EDA: variants seen among roughly 807,000 people sequenced by gnomAD.
EDA encodes ectodysplasin-A.
Under a neutral mutation model 23.6 loss-of-function variants are expected in EDA, and 2 were observed. The observed-to-expected ratio is 0.08, with a 90% CI of 0.03 to 0.27. The LOEUF (loss-of-function observed/expected upper bound fraction) is 0.27, where lower values mean the gene tolerates loss of function less well. Among genes scored for constraint, EDA ranks in the 10% least tolerant of loss-of-function variants. The pLI is 1.00. For missense variants in EDA, 229 were observed against 324.2 expected (o/e 0.71, Z 2.26); for synonymous variants, 131 against 132.0 (o/e 0.99, Z 0.05).
At chrX:69,922,949 T>G (rs1476856350) in intron 1 of EDA, among the ~76,000 whole-genome samples, 2 of 110,947 alleles carry the variant, frequency 1.8e-5, no homozygotes, top group South Asian at 3.9e-4. Context: ...CCTCTCTCAT[T>G]ACCATCACCA....
chrX:69,812,376 G>A (rs1381977784), intron 1 of EDA, among the ~76,000 whole-genome samples: 2 of 112,314 alleles, frequency 1.8e-5, no homozygotes, highest in Admixed American at 1.9e-4. Flanking sequence ...ACCAAATATT[G>A]CCTCACAGAA....
At chrX:69,798,403 C>G (rs2015595877) in intron 1 of EDA, among the ~76,000 whole-genome samples, 1 of 111,323 alleles carries the variant, frequency 9.0e-6, no homozygotes, top group South Asian at 3.7e-4. Context: ...CCAGGATAGA[C>G]CATATGTTAA....
chrX:69,700,427 A>G (rs2011503009), intron 1 of EDA, among the ~76,000 whole-genome samples: 1 of 111,618 alleles, frequency 9.0e-6, no homozygotes, highest in South Asian at 3.8e-4. Context: ...ATTGGAGGGA[A>G]TTGCGGAAAG....
chrX:69,821,370 C>T (rs1419982585), intron 1 of EDA, among the ~76,000 whole-genome samples: 1 of 109,744 alleles, frequency 9.1e-6, no homozygotes, highest in Non-Finnish European at 1.9e-5. Context: ...AACAAACCTG[C>T]ACATCCTGCA....
Position 70,037,703 on chromosome X carries a change from G to C in EDA, c.*2094G>C, listed in dbSNP as rs898784472. On this transcript the variant is annotated 3_prime_UTR_variant, in exon 8 of 8. Coordinates refer to ENST00000374552, the MANE Select transcript of EDA (RefSeq NM_001399.5). ...GTGGTAATTGGGAACTGAAATCCTTGAGAGTTCCGGGGAGAAACCCAGAGA... is the reference window on the plus strand; with the variant it reads ...GTGGTAATTGGGAACTGAAATCCTTCAGAGTTCCGGGGAGAAACCCAGAGA... 4 of 111,779 alleles carry C rather than the reference G, an allele frequency of 3.6e-5. No homozygotes were observed. Among genetic ancestry groups the C allele is most frequent in the African/African-American group, 1.3e-4 (4 of 30,677 alleles). The allele number at this position is 111,779 out of a possible 1,213,427, so 9.2% of individuals were successfully genotyped here.
intron 1 of EDA, among the ~76,000 whole-genome samples, chrX:69,657,185 G>T (rs888315584): frequency 5.4e-5 from 6 of 111,772 alleles, no homozygotes; most frequent in African/African-American, 1.9e-4. Context: ...TATAATAAAA[G>T]CTATTCCGAT....
chrX:70,009,498 A>G (rs1256531537), intron 2 of EDA, among the ~76,000 whole-genome samples: 1 of 111,723 alleles, frequency 9.0e-6, no homozygotes, highest in Non-Finnish European at 1.9e-5. Flanking sequence ...TATATTTTTA[A>G]TTTTCCTTGA....
chrX:69,759,706 A>G (rs1248333836), intron 1 of EDA, among the ~76,000 whole-genome samples: 1 of 111,340 alleles, frequency 9.0e-6, no homozygotes, highest in Non-Finnish European at 1.9e-5. Flanking sequence ...GGTGGTCTTC[A>G]TAGCTGAAAT....
Position 69,957,036 on chromosome X carries a change from T to A in EDA, c.406T>A (p.Leu136Met). ...DSQDGHQMALLNFFFPDEKPY... is the reference protein window; with the variant it reads ...DSQDGHQMALMNFFFPDEKPY... The stretch of plus-strand genomic sequence containing the variant: ...CTTGTAATTTTTACAGATGGCCCTA[T>A]TGAATTTCTTCTTCCCTGATGAAAA... Residue 136 changes from leucine to methionine, a missense_variant, in exon 2 of 8, where the codon TTG (leucine) becomes ATG (methionine). This residue lies in a region of EDA where 175 missense variants were observed against 281.8 expected (regional missense o/e 0.62). Transcript: ENST00000374552. 8.3e-7 allele frequency: 1 copy of A among 1,210,312 alleles called. No individual in the cohort carries two copies. Among genetic ancestry groups the A allele is most frequent in the Non-Finnish European group, 1.1e-6 (1 of 894,352 alleles).
chrX:69,846,543 C>T (rs1247794430), intron 1 of EDA, among the ~76,000 whole-genome samples: 2 of 111,329 alleles, frequency 1.8e-5, no homozygotes, highest in African/African-American at 6.5e-5. Flanking sequence ...GATCCGCCCA[C>T]CTCGGCCTCC....
chrX:69,620,550 T>G, intron 1 of EDA: 2 of 135,420 alleles, frequency 1.5e-5, no homozygotes, highest in Admixed American at 9.2e-5. Context: ...TTTAGGGAGG[T>G]GGGATCTAGA....
At chrX:69,663,482 C>T (rs900583036) in intron 1 of EDA, among the ~76,000 whole-genome samples, 3 of 112,444 alleles carry the variant, frequency 2.7e-5, no homozygotes, top group African/African-American at 9.7e-5. Context: ...GAGGCCTCTG[C>T]CTAGATTTCA....
chrX:69,853,435 T>C (rs1227227445), intron 1 of EDA, among the ~76,000 whole-genome samples: 3 of 111,496 alleles, frequency 2.7e-5, no homozygotes, highest in Admixed American at 9.6e-5. Context: ...TGTGTTTAAT[T>C]GGAGTTCCAG....
At chrX:69,775,219 A>G (rs915296898) in intron 1 of EDA, among the ~76,000 whole-genome samples, 4 of 111,393 alleles carry the variant, frequency 3.6e-5, no homozygotes, top group African/African-American at 9.8e-5. Flanking sequence ...CACTGCCCCA[A>G]TGTTGTTCAT....
At chrX:69,665,426 A>G (rs765385750) in intron 1 of EDA, among the ~76,000 whole-genome samples, 13 of 111,769 alleles carry the variant, frequency 1.2e-4, no homozygotes, top group Non-Finnish European at 2.1e-4. Flanking sequence ...ATTCCCTTCA[A>G]AAAGTTTTAT....
chrX:69,922,470 T>C (rs1034353356), intron 1 of EDA, among the ~76,000 whole-genome samples: 2 of 112,220 alleles, frequency 1.8e-5, no homozygotes, highest in Non-Finnish European at 3.8e-5. Context: ...GCAATTGATA[T>C]TATCAGTTTT....
intron 1 of EDA, among the ~76,000 whole-genome samples, chrX:69,805,092 T>C (rs2015783674): frequency 9.0e-6 from 1 of 111,678 alleles, no homozygotes; most frequent in Non-Finnish European, 1.9e-5. Context: ...TTGGGCTTCC[T>C]GTTCTGGGAG....
At chrX:69,703,479 G>C (rs1314961050) in intron 1 of EDA, among the ~76,000 whole-genome samples, 1 of 112,167 alleles carries the variant, frequency 8.9e-6, no homozygotes, top group Admixed American at 9.4e-5. Flanking sequence ...TCCCGAGAGC[G>C]TGCCAACAGA....
chrX:69,700,338 C>T (rs968900255), intron 1 of EDA, among the ~76,000 whole-genome samples: 1 of 111,201 alleles, frequency 9.0e-6, no homozygotes, highest in Non-Finnish European at 1.9e-5. Flanking sequence ...CACATAAAGG[C>T]AAAGAGGTCT....
Sources: gnomAD v4.1 joint callset for allele counts (sites outside exome capture counted in the v4.1 genomes callset) on GRCh38, gnomAD v4.1.1 for gene constraint, gnomAD v4.1.1 regional missense constraint, MANE v1.5 for transcripts, NCBI Gene and HGNC (gene_info 2026-07-23, HGNC 2026-07-21) for gene names.